The following APBA1 variants were observed in gnomAD, a reference collection of about 807,000 sequenced individuals.
APBA1 encodes amyloid beta precursor protein binding family A member 1.
Under a neutral mutation model 86.6 loss-of-function variants are expected in APBA1, and 55 were observed. The ratio of observed to expected loss-of-function variants is 0.64; its 90% confidence interval spans 0.51 to 0.80. The LOEUF is 0.80. Ranked by LOEUF, APBA1 falls within the 30% of genes least tolerant of loss-of-function variation. The probability of loss-of-function intolerance (pLI) is 0.00; values close to 1 mark genes in which losing one functional copy is unlikely to be tolerated. For missense variants in APBA1, 1,090 were observed against 1,183.0 expected, an observed-to-expected ratio of 0.92 and a Z score of 1.15; for synonymous variants, 511 against 493.9, an observed-to-expected ratio of 1.03 and a Z score of -0.46.
At chr9:69,666,399 CCACT>C (rs1823840916) in intron 1 of APBA1, among the ~76,000 whole-genome samples, 1 of 152,070 alleles carries the variant, frequency 6.6e-6, no homozygotes, top group Admixed American at 6.5e-5. Flanking sequence ...CCCCACCCAC[CCACT>C]ATCATCAGTC....
intron 1 of APBA1, among the ~76,000 whole-genome samples, chr9:69,558,499 A>C (rs1333415756): frequency 6.6e-6 from 1 of 150,782 alleles, no homozygotes; most frequent in Non-Finnish European, 1.5e-5. Flanking sequence ...TTCTGTTTCT[A>C]TTGTTCTTGT....
intron 1 of APBA1, among the ~76,000 whole-genome samples, chr9:69,602,525 C>A (rs953872005): frequency 6.6e-6 from 1 of 151,750 alleles, no homozygotes; most frequent in African/African-American, 2.4e-5. Context: ...TTGCCAAGAT[C>A]GCGCCACTGC....
chr9:69,534,392 T>C (rs2133910318), intron 1 of APBA1, among the ~76,000 whole-genome samples: 1 of 152,334 alleles, frequency 6.6e-6, no homozygotes, highest in Admixed American at 6.5e-5. Flanking sequence ...ATTTCTGAGC[T>C]GGGTCATCTA....
chr9:69,470,122 T>C (rs1835343395), intron 4 of APBA1, among the ~76,000 whole-genome samples: 1 of 152,162 alleles, frequency 6.6e-6, no homozygotes, highest in South Asian at 2.1e-4. Flanking sequence ...CTAAACACCT[T>C]TTGAGATATG....
At chr9:69,541,722 GA>G (rs1409085983) in intron 1 of APBA1, among the ~76,000 whole-genome samples, 2 of 151,416 alleles carry the variant, frequency 1.3e-5, no homozygotes, top group Admixed American at 6.6e-5. Context: ...AAAAACCTAG[GA>G]AAAAAATGAG....
chr9:69,494,848 GCTTA>G (rs1438581481), intron 2 of APBA1, among the ~76,000 whole-genome samples: 8 of 152,218 alleles, frequency 5.3e-5, no homozygotes, highest in African/African-American at 1.7e-4. Flanking sequence ...TTTACAGAAG[GCTTA>G]CTATGTGTGT....
chr9:69,522,605 T>C (rs12006272), intron 1 of APBA1, among the ~76,000 whole-genome samples: 9,554 of 152,272 alleles, frequency 0.063, 347 homozygotes, highest in African/African-American at 0.095. Flanking sequence ...CTGACAGTTA[T>C]GATACCTGGT....
intron 8 of APBA1, 109 bp downstream of exon 8, chr9:69,456,138 G>C: frequency 8.3e-7 from 1 of 1,205,074 alleles, no homozygotes; most frequent in Non-Finnish European, 1.2e-6. Context: ...CTGACACACA[G>C]TACGTGCACA....
intron 1 of APBA1, among the ~76,000 whole-genome samples, chr9:69,644,562 G>A (rs1343541809): frequency 6.6e-6 from 1 of 152,198 alleles, no homozygotes; most frequent in Non-Finnish European, 1.5e-5. Context: ...TCATTACAGA[G>A]TCCCATTTGT....
At chr9:69,642,035 G>A (rs966707533) in intron 1 of APBA1, among the ~76,000 whole-genome samples, 22 of 152,240 alleles carry the variant, frequency 1.4e-4, no homozygotes, top group Middle Eastern at 3.4e-3. Context: ...TAGTAGAGAT[G>A]GGGTTTCACC....
Position 69,489,049 on chromosome 9 carries a change from T to C in APBA1, c.1201-12906A>G, listed in dbSNP as rs1052159210. Among the ~76,000 whole-genome samples, 13 of 152,180 alleles carry C rather than the reference T, an allele frequency of 8.5e-5. No homozygotes were observed. In the East Asian group the frequency reaches 1.2e-3, roughly 14 times the overall value. On this transcript the variant is annotated intron_variant, in intron 2 of 12. Coordinates refer to ENST00000265381, the MANE Select transcript of APBA1 (RefSeq NM_001163.4). Reference sequence around the variant, plus strand: ...AGAATCAATATCATGAAAATGGCCATACTGCCCAAGGTAATTTATAGATTC... The same window carrying C: ...AGAATCAATATCATGAAAATGGCCACACTGCCCAAGGTAATTTATAGATTC...
chr9:69,672,040 C>G (rs563101156), intron 1 of APBA1, 113 bp downstream of exon 1: 11 of 153,058 alleles, frequency 7.2e-5, no homozygotes, highest in African/African-American at 2.6e-4. Flanking sequence ...CACTATTGTT[C>G]CAGGCAGCCC....
intron 10 of APBA1, among the ~76,000 whole-genome samples, chr9:69,445,618 A>C (rs1372977662): frequency 6.6e-6 from 1 of 152,196 alleles, no homozygotes; most frequent in Non-Finnish European, 1.5e-5. Context: ...AAAAACCCAG[A>C]GGGCAGGACC....
intron 1 of APBA1, among the ~76,000 whole-genome samples, chr9:69,543,735 T>C (rs891344886): frequency 8.5e-5 from 13 of 152,092 alleles, no homozygotes; most frequent in Admixed American, 7.9e-4. Context: ...AAGCAGATAA[T>C]TGGTGGGGTT....
intron 2 of APBA1, among the ~76,000 whole-genome samples, chr9:69,482,836 A>T (rs1835538282): frequency 6.6e-6 from 1 of 151,770 alleles, no homozygotes; most frequent in Admixed American, 6.6e-5. Flanking sequence ...GACATGGATG[A>T]AATTGGAAAT....
chr9:69,484,195 T>C (rs1420733500), intron 2 of APBA1, among the ~76,000 whole-genome samples: 2 of 152,128 alleles, frequency 1.3e-5, no homozygotes, highest in East Asian at 1.9e-4. Flanking sequence ...TATTTCTCAA[T>C]TGCTCTAAAT....
At chr9:69,454,392 T>C (rs1835060230) in intron 8 of APBA1, among the ~76,000 whole-genome samples, 1 of 152,210 alleles carries the variant, frequency 6.6e-6, no homozygotes, top group Non-Finnish European at 1.5e-5. Context: ...CCCTGGTGAA[T>C]ACACTGGCTA....
chr9:69,442,563 TC>T, intron 10 of APBA1, among the ~76,000 whole-genome samples: 1 of 152,248 alleles, frequency 6.6e-6, no homozygotes, highest in South Asian at 2.1e-4. Context: ...CTCTGTTCTA[TC>T]CAAGCCCACA....
intron 1 of APBA1, among the ~76,000 whole-genome samples, chr9:69,640,056 A>G (rs1823255590): frequency 6.6e-6 from 1 of 152,144 alleles, no homozygotes; most frequent in African/African-American, 2.4e-5. Context: ...AGGAAAAATC[A>G]ACCATTTTTT....
Sources: allele counts gnomAD v4.1 joint callset (sites outside exome capture counted in the v4.1 genomes callset), GRCh38; gene constraint gnomAD v4.1.1; transcripts MANE v1.5; gene names NCBI Gene and HGNC (gene_info 2026-07-23, HGNC 2026-07-21).